PPM1H: variants seen among roughly 807,000 people sequenced by gnomAD.
The protein encoded by PPM1H is protein phosphatase, Mg2+/Mn2+ dependent 1H.
Under a neutral mutation model 54.9 loss-of-function variants are expected in PPM1H, and 27 were observed. The observed-to-expected ratio is 0.49, with a 90% CI of 0.36 to 0.68. The LOEUF is 0.68. PPM1H is among the 30% of genes least tolerant of loss of function. PPM1H has a pLI of 0.00. For missense variants in PPM1H, 596 were observed against 667.8 expected, an observed-to-expected ratio of 0.89 and a Z score of 1.19; for synonymous variants, 305 against 270.8, an observed-to-expected ratio of 1.13 and a Z score of -1.24.
In PPM1H at chr12:62,790,231, A is replaced by G. The variant is rs150318315; in HGVS notation, c.757-1893T>C. 3.3e-4 allele frequency among the ~76,000 whole-genome samples: 51 copies of G among 152,334 alleles called. No individual in the cohort carries two copies. The East Asian group carries it at 9.4e-3, about 28-fold the overall frequency. On this transcript the variant is annotated intron_variant, in intron 3 of 9. Transcript: ENST00000228705. ...GTAACATAAAAAGGGTAAATCACCAATGGGAAACTGGAAACAGAAGAGCTT... is the reference window on the plus strand; with the variant it reads ...GTAACATAAAAAGGGTAAATCACCAGTGGGAAACTGGAAACAGAAGAGCTT...
At chr12:62,772,117 C>T (rs2076582955) in intron 4 of PPM1H, among the ~76,000 whole-genome samples, 2 of 152,126 alleles carry the variant, frequency 1.3e-5, no homozygotes, top group African/African-American at 2.4e-5. Context: ...TTGGTGAACC[C>T]CTAGCATTTC....
At position 62,797,899 on chromosome 12, in the gene PPM1H, A is replaced by G. The variant is rs902616226; in HGVS notation, c.756+3917T>C. Among the ~76,000 whole-genome samples, 3 of 152,328 alleles carry G rather than the reference A, an allele frequency of 2.0e-5. No homozygotes were observed. In the South Asian group the frequency reaches 6.2e-4, roughly 32 times the overall value. On this transcript the variant is annotated intron_variant, in intron 3 of 9. Transcript: ENST00000228705. Reference sequence around the variant, plus strand: ...CATTCCAAAGAAGGTCACATCTGAGAGTGAAATGGGAGAGTATTAACAATT... The same window carrying G: ...CATTCCAAAGAAGGTCACATCTGAGGGTGAAATGGGAGAGTATTAACAATT...
chr12:62,838,119 T>G (rs973836827), intron 1 of PPM1H, among the ~76,000 whole-genome samples: 3 of 152,118 alleles, frequency 2.0e-5, no homozygotes, highest in Non-Finnish European at 4.4e-5. Flanking sequence ...AAAGACCAAA[T>G]AGAGAATCTT....
At chr12:62,767,579 G>T (rs2076551916) in intron 4 of PPM1H, among the ~76,000 whole-genome samples, 1 of 152,176 alleles carries the variant, frequency 6.6e-6, no homozygotes, top group Admixed American at 6.5e-5. Context: ...GCCAGCTTCA[G>T]CATGCACTTC....
chr12:62,779,956 G>A (rs2076631825), intron 4 of PPM1H, among the ~76,000 whole-genome samples: 1 of 152,160 alleles, frequency 6.6e-6, no homozygotes, highest in Admixed American at 6.5e-5. Flanking sequence ...GAAGGTTCCT[G>A]ATCATCTATA....
intron 1 of PPM1H, among the ~76,000 whole-genome samples, chr12:62,900,329 A>G (rs999215549): frequency 6.6e-6 from 1 of 151,678 alleles, no homozygotes; most frequent in East Asian, 1.9e-4. Context: ...CCATGTCCCT[A>G]CAAAGGACAT....
At chr12:62,775,891 C>A (rs1029494740) in intron 4 of PPM1H, among the ~76,000 whole-genome samples, 1 of 152,224 alleles carries the variant, frequency 6.6e-6, no homozygotes, top group African/African-American at 2.4e-5. Flanking sequence ...ATACCCAAGA[C>A]TGGGTAATTT....
chr12:62,654,497 C>T (rs749649393), intron 9 of PPM1H, among the ~76,000 whole-genome samples: 2 of 152,132 alleles, frequency 1.3e-5, no homozygotes, highest in African/African-American at 2.4e-5. Flanking sequence ...GGAGAAGAAA[C>T]GCAAATCATG....
chr12:62,802,041 G>A lies in PPM1H; in HGVS notation c.531C>T (p.Ile177=), dbSNP rs746963380. The change falls in exon 3 of 10, where the codon ATC becomes ATT. Residue 177 remains isoleucine (I), a synonymous_variant. Coordinates refer to ENST00000228705, the MANE Select transcript of PPM1H (RefSeq NM_020700.2). ...QHHITEQLQD[I]VDILKNSAVL... is the part of the protein sequence containing the mutation. ...CGGCGGAGTTCTTCAGGATGTCCAC[G>A]ATGTCCTGCAGCTGCTCCGTGATGT... 5 of 1,613,354 alleles carry A rather than the reference G, an allele frequency of 3.1e-6. No homozygotes were observed. In the African/African-American group the frequency reaches 5.3e-5, roughly 17 times the overall value.
rs140015832 is a variant in PPM1H at position 62,676,489 on chromosome 12, A to G, written c.1246-9160T>C. Among the ~76,000 whole-genome samples, 76 of 152,238 alleles carry G rather than the reference A, an allele frequency of 5.0e-4. 3 individuals carry two copies. In the South Asian group the frequency reaches 0.013, roughly 25 times the overall value. ...CCCAACCATGGCTGCAGACCCAGGCATCCCTATGCTCTTGGGTGTCTTGGA... is the reference window on the plus strand; with the variant it reads ...CCCAACCATGGCTGCAGACCCAGGCGTCCCTATGCTCTTGGGTGTCTTGGA... On this transcript the variant is annotated intron_variant, in intron 8 of 9. Coordinates refer to ENST00000228705, the MANE Select transcript of PPM1H (RefSeq NM_020700.2).
intron 4 of PPM1H, among the ~76,000 whole-genome samples, chr12:62,765,503 A>G (rs2076536884): frequency 6.6e-6 from 1 of 152,204 alleles, no homozygotes; most frequent in Non-Finnish European, 1.5e-5. Context: ...TCAAACAGCA[A>G]TACTATACAT....
intron 4 of PPM1H, among the ~76,000 whole-genome samples, chr12:62,781,413 G>T (rs915332672): frequency 1.3e-5 from 2 of 152,244 alleles, no homozygotes; most frequent in Non-Finnish European, 2.9e-5. Flanking sequence ...GTGGTGTCCG[G>T]CTGCTGCAGG....
chr12:62,903,524 T>A (rs527742577), intron 1 of PPM1H, among the ~76,000 whole-genome samples: 14 of 152,242 alleles, frequency 9.2e-5, no homozygotes, highest in Non-Finnish European at 1.8e-4. Context: ...AAGTAACAAC[T>A]AGGCCTGAGG....
chr12:62,866,220 G>C (rs1869771086), intron 1 of PPM1H, among the ~76,000 whole-genome samples: 1 of 152,106 alleles, frequency 6.6e-6, no homozygotes, highest in African/African-American at 2.4e-5. Flanking sequence ...TTGATGTCTT[G>C]CTATCCCACT....
intron 1 of PPM1H, among the ~76,000 whole-genome samples, chr12:62,899,298 T>G (rs537768793): frequency 1.3e-5 from 2 of 152,050 alleles, no homozygotes; most frequent in East Asian, 3.9e-4. Flanking sequence ...AAGCTGGGCG[T>G]GGTGGCTCAC....
At chr12:62,685,666 A>C (rs2076047142) in intron 8 of PPM1H, among the ~76,000 whole-genome samples, 1 of 152,206 alleles carries the variant, frequency 6.6e-6, no homozygotes, top group Admixed American at 6.5e-5. Flanking sequence ...AAGGGATACC[A>C]AGTTTCAGTT....
intron 5 of PPM1H, among the ~76,000 whole-genome samples, chr12:62,721,976 G>A (rs983853738): frequency 2.9e-4 from 44 of 151,984 alleles, no homozygotes; most frequent in African/African-American, 9.4e-4. Context: ...TGTGGGGCCC[G>A]GTGAAAAACA....
intron 5 of PPM1H, among the ~76,000 whole-genome samples, chr12:62,733,776 C>G (rs1410498991): frequency 6.6e-6 from 1 of 152,172 alleles, no homozygotes; most frequent in East Asian, 1.9e-4. Flanking sequence ...ATATGGGCAG[C>G]ATTTTCACCT....
intron 8 of PPM1H, among the ~76,000 whole-genome samples, chr12:62,678,408 T>C (rs367986799): frequency 3.3e-5 from 5 of 152,252 alleles, no homozygotes; most frequent in South Asian, 2.1e-4. Context: ...GTTTGACACA[T>C]ACAGGTTGGT....
Sources: gnomAD v4.1 joint callset for allele counts (sites outside exome capture counted in the v4.1 genomes callset) on GRCh38, gnomAD v4.1.1 for gene constraint, MANE v1.5 for transcripts, NCBI Gene and HGNC (gene_info 2026-07-23, HGNC 2026-07-21) for gene names.